SRRM1: variants seen among roughly 807,000 people sequenced by gnomAD.
The protein encoded by SRRM1 is serine/arginine repetitive matrix protein 1.
In SRRM1, 19 loss-of-function variants were observed where a neutral mutation model predicts 110.2. That is an observed-to-expected ratio of 0.17 (90% CI 0.12 to 0.25). SRRM1 has a LOEUF of 0.25. Among genes scored for constraint, SRRM1 ranks in the 10% least tolerant of loss-of-function variants. The pLI is 1.00. For synonymous variants in SRRM1, 443 were observed against 414.9 expected, an observed-to-expected ratio of 1.07 and a Z score of -0.82; for missense variants, 918 against 1,145.8, an observed-to-expected ratio of 0.80 and a Z score of 2.87.
intron 12 of SRRM1, chr1:24,663,187 C>T: frequency 6.6e-7 from 1 of 1,514,756 alleles, no homozygotes; most frequent in Non-Finnish European, 8.9e-7. Flanking sequence ...TCTCAGGATG[C>T]AGATGGGAAA....
chr1:24,653,533 T>C (rs747405117), intron 8 of SRRM1, among the ~76,000 whole-genome samples: 20 of 152,230 alleles, frequency 1.3e-4, no homozygotes, highest in Non-Finnish European at 1.5e-4. Context: ...CTTGGAAGTT[T>C]TCCATAATCC....
intron 16 of SRRM1, among the ~76,000 whole-genome samples, chr1:24,671,849 T>A (rs1034801517): frequency 1.3e-5 from 2 of 151,888 alleles, no homozygotes; most frequent in African/African-American, 4.8e-5. Context: ...CTATCCACAG[T>A]GGCCATTATA....
At chr1:24,648,752 A>T in intron 3 of SRRM1, 107 bp from the exon 4 acceptor site, 1 of 944,852 alleles carries the variant, frequency 1.1e-6, no homozygotes, top group African/African-American at 1.7e-5. Flanking sequence ...CTAAGCCCCT[A>T]TGGTAGACTT....
In SRRM1 at chr1:24,661,290, T is replaced by C; in HGVS notation, c.1397-20T>C. On this transcript the variant is annotated intron_variant, in intron 10 of 16. Coordinates refer to ENST00000323848, the MANE Select transcript of SRRM1 (RefSeq NM_005839.4). The stretch of plus-strand genomic sequence containing the variant: ...TATGCTTAACTAAAGAAACACTTTC[T>C]AAATGCATCCATCTTTCAGAAGAAG... The C allele has an allele frequency of 6.3e-7, 1 of 1,598,204 alleles. No individual in the cohort carries two copies. Among genetic ancestry groups the C allele is most frequent in the Non-Finnish European group, 8.6e-7 (1 of 1,167,772 alleles).
chr1:24,666,929 C>G lies in SRRM1; in HGVS notation c.1739+4C>G. ...CCACACCACCACCACGACGAAGGTA[C>G]TTTGTCAAATATGCTAACTGGAGCA... On this transcript the variant is annotated splice_donor_region_variant and intron_variant, in intron 13 of 16. Transcript: ENST00000323848. 1.3e-6 allele frequency: 2 copies of G among 1,597,076 alleles called. No homozygotes were observed. Among genetic ancestry groups the G allele is most frequent in the Non-Finnish European group, 8.5e-7 (1 of 1,173,276 alleles).
intron 12 of SRRM1, among the ~76,000 whole-genome samples, chr1:24,663,909 AAT>A (rs1420556298): frequency 3.0e-5 from 4 of 133,154 alleles, no homozygotes; most frequent in South Asian, 4.5e-4. Context: ...TAATAATAAT[AAT>A]AATAAATAAA....
chr1:24,647,804 A>G (rs1658425207), intron 3 of SRRM1: 1 of 152,474 alleles, frequency 6.6e-6, no homozygotes, highest in African/African-American at 2.4e-5. Context: ...TGCATCTTAG[A>G]AAACCAGGAA....
At chr1:24,655,202 G>A (rs1663325441) in intron 9 of SRRM1, 73 bp downstream of exon 9, 23 of 1,498,654 alleles carry the variant, frequency 1.5e-5, no homozygotes, top group Non-Finnish European at 2.0e-5. Flanking sequence ...ATTGCCCCCT[G>A]CTCACTCTCA....
intron 8 of SRRM1, 83 bp from the exon 9 acceptor site, chr1:24,654,772 G>A: frequency 4.0e-6 from 6 of 1,513,826 alleles, no homozygotes; most frequent in Non-Finnish European, 4.5e-6. Flanking sequence ...TAAAATAGCT[G>A]TATTTTTGTG....
intron 16 of SRRM1, among the ~76,000 whole-genome samples, chr1:24,671,864 C>T (rs190022075): frequency 6.6e-6 from 1 of 150,434 alleles, no homozygotes; most frequent in Admixed American, 6.6e-5. Flanking sequence ...ATTATATTTG[C>T]ATACAGTTCA....
At chr1:24,656,848 A>G (rs1475182783) in intron 9 of SRRM1, among the ~76,000 whole-genome samples, 1 of 152,244 alleles carries the variant, frequency 6.6e-6, no homozygotes. Flanking sequence ...GCATCTGCAC[A>G]GATGCTAATT....
At chr1:24,645,294 C>T (rs992119446) in intron 1 of SRRM1, among the ~76,000 whole-genome samples, 1 of 152,100 alleles carries the variant, frequency 6.6e-6, no homozygotes, top group Non-Finnish European at 1.5e-5. Flanking sequence ...GGACTGTGGC[C>T]AACTCAGTGA....
At chr1:24,669,054 C>T in intron 13 of SRRM1, 69 bp from the exon 14 acceptor site, 1 of 1,351,826 alleles carries the variant, frequency 7.4e-7, no homozygotes. Context: ...GCCAAACCTA[C>T]TGATTACTTT....
intron 12 of SRRM1, among the ~76,000 whole-genome samples, chr1:24,665,965 G>T (rs1669780651): frequency 6.6e-6 from 1 of 152,178 alleles, no homozygotes; most frequent in African/African-American, 2.4e-5. Context: ...GAGACGTCCA[G>T]ACTTGGGTCT....
At chr1:24,660,432 AT>A (rs1167280542) in intron 9 of SRRM1, among the ~76,000 whole-genome samples, 19 of 152,202 alleles carry the variant, frequency 1.2e-4, no homozygotes, top group African/African-American at 4.3e-4. Context: ...TCTTACAGGA[AT>A]TTTTTAAGTC....
At chr1:24,662,264 A>G (rs761013129) in intron 11 of SRRM1, among the ~76,000 whole-genome samples, 16 of 152,212 alleles carry the variant, frequency 1.1e-4, no homozygotes, top group Non-Finnish European at 1.9e-4. Context: ...CCTGGCCAAC[A>G]TGGCAAAACC....
rs1048113164 is a variant in SRRM1 at position 24,643,494 on chromosome 1, C to T, written c.21+147C>T. The stretch of plus-strand genomic sequence containing the variant: ...CTAGAGCCGGCGCACCCCCCCCCCC[C>T]CCGTGCGCTGCGGCGGAGACCGGTG... On this transcript the variant is annotated intron_variant, in intron 1 of 16. Transcript: ENST00000323848. The T allele has an allele frequency of 9.1e-5, 51 of 557,426 alleles. 1 individual carries two copies. The highest frequency in any genetic ancestry group is 8.0e-4 in the East Asian group (22 of 27,420). 34.5% of individuals were successfully genotyped at this position (557,426 alleles called of 1,614,324 possible). A position where few individuals can be genotyped will look rare whatever the true frequency, so the allele number is the denominator to read the frequency against.
At chr1:24,671,623 C>G (rs1465486471) in intron 16 of SRRM1, 28 bp downstream of exon 16, 2 of 1,545,428 alleles carry the variant, frequency 1.3e-6, no homozygotes, top group African/African-American at 2.8e-5. Flanking sequence ...ATATGGCTGT[C>G]TTGCAGTTTA....
In SRRM1 at chr1:24,670,308, C is replaced by T. The variant is rs777632895; in HGVS notation, c.2393C>T (p.Pro798Leu). The T allele has an allele frequency of 6.8e-6, 11 of 1,610,464 alleles. No homozygotes were observed. Among genetic ancestry groups the T allele is most frequent in the South Asian group, 2.2e-5 (2 of 90,668 alleles). Reference protein sequence around the residue: ...KAKSPTPSPSPPRNSDQEGGG... With the variant: ...KAKSPTPSPSLPRNSDQEGGG... ...AAAAGCCCAACACCGAGCCCATCAC[C>T]GCCAAGAGTATGTGTCTGCCTTATT... The change falls in exon 15 of 17, where the codon CCG becomes CTG. Residue 798 changes from proline to leucine, a missense_variant. Physicochemically the swap from Pro to Leu is moderately conservative, Grantham distance 98. Transcript: ENST00000323848.
Sources: allele counts gnomAD v4.1 joint callset (sites outside exome capture counted in the v4.1 genomes callset), GRCh38; gene constraint gnomAD v4.1.1; transcripts MANE v1.5; gene names NCBI Gene and HGNC (gene_info 2026-07-23, HGNC 2026-07-21).